MTERF4: variants seen among roughly 807,000 people sequenced by gnomAD.
The protein encoded by MTERF4 is mitochondrial transcription termination factor 4.
MTERF4 carries 17 observed loss-of-function variants against 22.5 expected under a neutral mutation model. The ratio of observed to expected loss-of-function variants is 0.75; its 90% CI spans 0.52 to 1.13. MTERF4 has a LOEUF of 1.13. Ranked by LOEUF, MTERF4 falls within the 50% of genes most tolerant of loss-of-function variation. The pLI is 0.00. For synonymous variants in MTERF4, 165 were observed against 175.3 expected (o/e 0.94, Z 0.47); for missense variants, 420 against 466.8 (o/e 0.90, Z 0.92).
At chr2:241,063,976 C>A in the MTERF4 span, 1 of 1,460,332 alleles carries the variant, frequency 6.8e-7, no homozygotes. Flanking sequence ...AGACTCCCCC[C>A]TTGCAGCTTG....
the MTERF4 span, chr2:241,052,137 C>T: frequency 6.2e-7 from 1 of 1,613,796 alleles, no homozygotes; most frequent in South Asian, 1.1e-5. Flanking sequence ...CCAGGCTTCT[C>T]CGGGCGGCAC....
chr2:241,083,036 C>G (rs1333818346), downstream of MTERF4, among the ~76,000 whole-genome samples: 1 of 152,068 alleles, frequency 6.6e-6, no homozygotes, highest in Non-Finnish European at 1.5e-5. Context: ...CTTCAGGACC[C>G]GTTCATTGCA....
chr2:241,096,097 C>CTCCTCATCATCGTCA lies in MTERF4; in HGVS notation c.1032_1046dup (p.Asp344_Glu348dup). 6.2e-7 allele frequency: 1 copy of CTCCTCATCATCGTCA among 1,611,588 alleles called. No homozygotes were observed. Reference sequence around the variant, plus strand: ...CATCATTGTCATCCTCATCATTGTCCTCCTCATCATCGTCATCCTCATCCT... The same window carrying CTCCTCATCATCGTCA: ...CATCATTGTCATCCTCATCATTGTCCTCCTCATCATCGTCATCCTCATCATCGTCATCCTCATCCT... On this transcript the variant is annotated inframe_insertion, in exon 4 of 4. Transcript: ENST00000391980. The surrounding 1 kb of genome is among the most constrained non-coding windows in gnomAD (Gnocchi z 5.1).
At chr2:241,091,614 C>T (rs2064010837), downstream of MTERF4, 1 of 152,216 alleles carries the variant, frequency 6.6e-6, no homozygotes, top group Admixed American at 6.5e-5. This position sits in a 1 kb window ranked among gnomAD's most constrained non-coding sequence, Gnocchi z 4.1. Context: ...TCTCCTCATG[C>T]TTCACTTTGT....
At chr2:241,059,692 T>C in the MTERF4 span, among the ~76,000 whole-genome samples, 4 of 152,262 alleles carry the variant, frequency 2.6e-5, no homozygotes, top group African/African-American at 4.8e-5. Context: ...TATATCTCAA[T>C]AGATGCAGGA....
In MTERF4 at chr2:241,077,244, G is replaced by A. The variant is rs1032745853; in HGVS notation, n.480-1562C>T. On this transcript the variant is annotated intron_variant and non_coding_transcript_variant, in intron 4 of 4. Coordinates refer to the MTERF4 transcript ENST00000464344. The stretch of plus-strand genomic sequence containing the variant: ...CAAAAAGAATGAGGCCGGAGCCCTC[G>A]TACCATATACCTCATAACACAAATT... 5.9e-5 allele frequency among the ~76,000 whole-genome samples: 9 copies of A among 152,220 alleles called. No homozygotes were observed. The South Asian group carries it at 8.3e-4, about 14-fold the overall frequency.
the MTERF4 span, chr2:241,049,954 C>T: frequency 6.3e-7 from 1 of 1,588,320 alleles, no homozygotes; most frequent in East Asian, 2.2e-5. Flanking sequence ...CAGGGGCGTC[C>T]GGGCCGGCGT....
rs1443897029 is a variant in MTERF4 at position 241,099,524 on chromosome 2, A to G, written c.392T>C (p.Phe131Ser). ...LQQLLDIISE[F>S]ILLGLNPEPV... ...CTCTGGATTCAGACCCAAGAGAATAAATTCTGAAATGATGTCCAGCAACTG... is the reference window on the plus strand; with the variant it reads ...CTCTGGATTCAGACCCAAGAGAATAGATTCTGAAATGATGTCCAGCAACTG... The change falls in exon 2 of 4, where the codon TTT becomes TCT. Residue 131 changes from phenylalanine (F) to serine (S), a missense_variant. Transcript: ENST00000391980. The G allele has an allele frequency of 1.2e-6, 2 of 1,614,192 alleles. No homozygotes were observed. The highest frequency in any genetic ancestry group is 4.5e-5 in the East Asian group (2 of 44,882).
downstream of MTERF4, chr2:241,069,800 A>T: frequency 1.7e-6 from 2 of 1,178,258 alleles, no homozygotes; most frequent in Non-Finnish European, 2.4e-6. The surrounding 1 kb of genome is among the most constrained non-coding windows in gnomAD (Gnocchi z 4.9). Context: ...ACCATTCTCC[A>T]TAATAAAGAA....
At chr2:241,058,879 G>A in the MTERF4 span, among the ~76,000 whole-genome samples, 1 of 152,138 alleles carries the variant, frequency 6.6e-6, no homozygotes, top group African/African-American at 2.4e-5. Flanking sequence ...GAACCTGGGA[G>A]GCGGAGCTTG....
downstream of MTERF4, chr2:241,071,307 A>T (rs539621126): frequency 1.1e-5 from 6 of 554,138 alleles, no homozygotes; most frequent in East Asian, 1.8e-4. Flanking sequence ...GCCTAGACTC[A>T]GCCCTGCCTC....
chr2:241,084,254 AG>A (rs769884531), downstream of MTERF4, among the ~76,000 whole-genome samples: 7 of 150,240 alleles, frequency 4.7e-5, no homozygotes, highest in Non-Finnish European at 8.8e-5. Flanking sequence ...CTCCTGCCTC[AG>A]CCCCCCGAGT....
the MTERF4 span, chr2:241,049,873 C>T: frequency 3.7e-6 from 6 of 1,613,852 alleles, no homozygotes; most frequent in Non-Finnish European, 4.2e-6. Context: ...CTGCGATGCC[C>T]ATGACGACTC....
chr2:241,089,478 T>C, downstream of MTERF4: 1 of 1,517,304 alleles, frequency 6.6e-7, no homozygotes, highest in South Asian at 1.3e-5. Context: ...CACACCCCCT[T>C]GGGGGAAAGG....
At chr2:241,055,496 G>A in the MTERF4 span, among the ~76,000 whole-genome samples, 1 of 152,108 alleles carries the variant, frequency 6.6e-6, no homozygotes, top group African/African-American at 2.4e-5. Flanking sequence ...ATTTGGTTAG[G>A]GTGTAGACAG....
At chr2:241,048,841 C>T in the MTERF4 span, 2 of 1,345,320 alleles carry the variant, frequency 1.5e-6, no homozygotes, top group Non-Finnish European at 1.0e-6. Flanking sequence ...TGGCTTCGGC[C>T]GGGGTCCGTA....
At chr2:241,087,502 G>A (rs372693537), downstream of MTERF4, 37 of 1,582,828 alleles carry the variant, frequency 2.3e-5, no homozygotes, top group African/African-American at 2.4e-4. Context: ...GGCCCATGCC[G>A]TGTCCTGCAT....
exon 5 of MTERF4, chr2:241,072,411 G>C (rs1017865694): frequency 2.8e-6 from 1 of 362,226 alleles, no homozygotes; most frequent in Non-Finnish European, 5.4e-6. Flanking sequence ...TTCTGACACA[G>C]AAGCCCTGAG....
At position 241,099,820 on chromosome 2, in the gene MTERF4, C is replaced by G. The variant is rs2064622371; in HGVS notation, c.96G>C (p.Gln32His). 1.2e-6 allele frequency: 2 copies of G among 1,614,108 alleles called. No homozygotes were observed. Among genetic ancestry groups the G allele is most frequent in the Non-Finnish European group, 1.7e-6 (2 of 1,180,030 alleles). The part of the protein sequence containing the change: ...MARQTPHLGE[Q>H]RRTTASLLRK... ...GCAACAAAGAAGCTGTCGTCCTTCT[C>G]TGTTCTCCAAGATGAGGAGTCTGCC... is the stretch of plus-strand genomic sequence containing the variant. The change falls in exon 2 of 4, where the codon CAG becomes CAC. Residue 32 changes from glutamine (Q) to histidine (H), a missense_variant. Coordinates refer to ENST00000391980, the MANE Select transcript of MTERF4 (RefSeq NM_182501.4).
Sources: allele counts gnomAD v4.1 joint callset (sites outside exome capture counted in the v4.1 genomes callset), GRCh38; gene constraint gnomAD v4.1.1; non-coding constraint Gnocchi (gnomAD v3.1); transcripts MANE v1.5; gene names NCBI Gene and HGNC (gene_info 2026-07-23, HGNC 2026-07-21).